Variants in LUZP2 observed in about 807,000 individuals in gnomAD.
The protein encoded by LUZP2 is leucine zipper protein 2.
Under a neutral mutation model 51.6 loss-of-function variants are expected in LUZP2, and 52 were observed. The ratio of observed to expected loss-of-function variants is 1.01; its 90% CI spans 0.81 to 1.27. The LOEUF (loss-of-function observed/expected upper bound fraction) is 1.27, where lower values mean the gene tolerates loss of function less well. Ranked by LOEUF, LUZP2 falls within the 50% of genes most tolerant of loss-of-function variation. The pLI, the probability that LUZP2 is intolerant of heterozygous loss-of-function variation, is 0.00. For synonymous variants in LUZP2, 154 were observed against 137.3 expected (o/e 1.12, Z -0.85); for missense variants, 436 against 395.4 (o/e 1.10, Z -0.87).
At chr11:24,745,408 T>C (rs1051130116) in intron 4 of LUZP2, among the ~76,000 whole-genome samples, 8 of 152,172 alleles carry the variant, frequency 5.3e-5, no homozygotes, top group Non-Finnish European at 1.2e-4. Context: ...TGTATATATG[T>C]TTAGGATTGT....
chr11:24,671,264 T>C (rs1215259731), intron 1 of LUZP2, among the ~76,000 whole-genome samples: 1 of 151,982 alleles, frequency 6.6e-6, no homozygotes, highest in Admixed American at 6.6e-5. Context: ...GTTTTACTTA[T>C]TTACAGCAGT....
chr11:24,655,673 T>A (rs150484894), intron 1 of LUZP2, among the ~76,000 whole-genome samples: 1 of 152,300 alleles, frequency 6.6e-6, no homozygotes, highest in Non-Finnish European at 1.5e-5. Context: ...AGAAAACAAA[T>A]GCGTGGTCTG....
chr11:24,724,801 A>G (rs1858410324), intron 1 of LUZP2, among the ~76,000 whole-genome samples: 1 of 152,236 alleles, frequency 6.6e-6, no homozygotes, highest in South Asian at 2.1e-4. Flanking sequence ...ATGACAACTA[A>G]TAAAGATGTT....
intron 5 of LUZP2, among the ~76,000 whole-genome samples, chr11:24,815,250 A>G: frequency 6.6e-6 from 1 of 152,292 alleles, no homozygotes; most frequent in Middle Eastern, 3.4e-3. Context: ...ATTTATTACA[A>G]ATTTAAATAA....
chr11:24,891,520 A>G lies in LUZP2; in HGVS notation c.397-14471A>G, dbSNP rs1482274678. 6.3e-6 allele frequency: 6 copies of G among 950,962 alleles called. No homozygotes were observed. In the African/African-American group the frequency reaches 1.1e-4, roughly 17 times the overall value. 58.9% of individuals were successfully genotyped at this position (950,962 alleles called of 1,614,324 possible). ...TATACTTTATGCGAAAATCAAAAGG[A>G]AGATATATTCTATATTTCTAGCAAG... On this transcript the variant is annotated intron_variant, in intron 5 of 11. Transcript: ENST00000336930.
chr11:24,692,404 T>C (rs746826285), intron 1 of LUZP2, among the ~76,000 whole-genome samples: 8 of 152,096 alleles, frequency 5.3e-5, no homozygotes, highest in Non-Finnish European at 1.0e-4. Flanking sequence ...TAGTAAAGGC[T>C]ATTCTAAGAA....
chr11:24,884,444 A>T (rs1188762452), intron 5 of LUZP2, among the ~76,000 whole-genome samples: 1 of 152,052 alleles, frequency 6.6e-6, no homozygotes, highest in African/African-American at 2.4e-5. Context: ...AAACACAGAC[A>T]TACATTCGAC....
intron 9 of LUZP2, among the ~76,000 whole-genome samples, chr11:25,025,641 T>C (rs77480396): frequency 0.58 from 88,142 of 151,922 alleles, 26,679 homozygotes; most frequent in African/African-American, 0.76. Context: ...AGTCAGGAAA[T>C]AACAGGTGCT....
chr11:24,976,456 T>G (rs1384731391), intron 7 of LUZP2, 135 bp from the exon 8 acceptor site: 2 of 499,606 alleles, frequency 4.0e-6, no homozygotes, highest in Non-Finnish European at 6.8e-6. Flanking sequence ...GAATTCTAAA[T>G]GAATCTTACA....
intron 7 of LUZP2, among the ~76,000 whole-genome samples, chr11:24,928,225 A>T (rs1274568834): frequency 1.3e-5 from 2 of 151,932 alleles, no homozygotes; most frequent in Non-Finnish European, 1.5e-5. Flanking sequence ...GATGCCCTTT[A>T]TTTCTTTCTC....
intron 1 of LUZP2, among the ~76,000 whole-genome samples, chr11:24,667,816 C>G (rs529138728): frequency 1.9e-4 from 29 of 152,290 alleles, no homozygotes; most frequent in Admixed American, 1.6e-3. Context: ...ATTGCCTTTG[C>G]AGAATTGACC....
chr11:24,974,042 C>T (rs1226358292), intron 7 of LUZP2, among the ~76,000 whole-genome samples: 1 of 152,002 alleles, frequency 6.6e-6, no homozygotes, highest in African/African-American at 2.4e-5. Context: ...GTGTTAATGT[C>T]TCCCACTATT....
At chr11:24,770,250 G>A (rs12164816) in intron 5 of LUZP2, among the ~76,000 whole-genome samples, 12,224 of 152,226 alleles carry the variant, frequency 0.08, 1,065 homozygotes, top group African/African-American at 0.22. Context: ...GGGAATGAGT[G>A]GGATAATATA....
At chr11:24,553,731 G>T (rs1851784784) in intron 1 of LUZP2, among the ~76,000 whole-genome samples, 1 of 152,122 alleles carries the variant, frequency 6.6e-6, no homozygotes, top group African/African-American at 2.4e-5. Flanking sequence ...CTTGAGCCAA[G>T]CTATGGTACG....
At chr11:24,985,465 G>A (rs556949928) in intron 9 of LUZP2, among the ~76,000 whole-genome samples, 16 of 151,742 alleles carry the variant, frequency 1.1e-4, no homozygotes, top group South Asian at 2.1e-4. Context: ...TGCATTTTGC[G>A]TAAAACGACC....
intron 1 of LUZP2, among the ~76,000 whole-genome samples, chr11:24,526,132 T>C (rs1850792692): frequency 7.0e-6 from 1 of 142,104 alleles, no homozygotes; most frequent in African/African-American, 2.9e-5. Flanking sequence ...TATCCATCTG[T>C]TACTAAGTTT....
At chr11:24,831,077 G>C (rs1850689764) in intron 5 of LUZP2, among the ~76,000 whole-genome samples, 1 of 152,138 alleles carries the variant, frequency 6.6e-6, no homozygotes, top group Non-Finnish European at 1.5e-5. Context: ...TCTGTTTCCA[G>C]ATCAGTGTTC....
At chr11:24,733,799 CTTTATT>C (rs941024354) in intron 3 of LUZP2, among the ~76,000 whole-genome samples, 24 of 151,308 alleles carry the variant, frequency 1.6e-4, no homozygotes, top group African/African-American at 5.3e-4. Flanking sequence ...AAAATGATTA[CTTTATT>C]TTTATAGAGT....
At chr11:24,544,701 A>G (rs560967557) in intron 1 of LUZP2, among the ~76,000 whole-genome samples, 6 of 152,216 alleles carry the variant, frequency 3.9e-5, no homozygotes, top group African/African-American at 1.2e-4. Flanking sequence ...CATTAAGGTT[A>G]ATTCCATGTC....
Sources: allele counts gnomAD v4.1 joint callset (sites outside exome capture counted in the v4.1 genomes callset), GRCh38; gene constraint gnomAD v4.1.1; transcripts MANE v1.5; gene names NCBI Gene and HGNC (gene_info 2026-07-23, HGNC 2026-07-21).